Variants in FAM216A observed in about 807,000 individuals in gnomAD.
FAM216A encodes family with sequence similarity 216 member A, also known as protein FAM216A.
FAM216A carries 26 observed loss-of-function variants against 37.6 expected under a neutral mutation model. That is an observed-to-expected ratio of 0.69 (90% CI 0.51 to 0.96). FAM216A has a LOEUF of 0.96. FAM216A is among the 40% of genes least tolerant of loss of function. The probability of loss-of-function intolerance (pLI) is 0.00; values close to 1 mark genes in which losing one functional copy is unlikely to be tolerated. For synonymous variants in FAM216A, 110 were observed against 121.7 expected, an observed-to-expected ratio of 0.90 and a Z score of 0.64; for missense variants, 326 against 339.3, an observed-to-expected ratio of 0.96 and a Z score of 0.31.
At position 110,485,159 on chromosome 12, in the gene FAM216A, T is replaced by C. The variant is rs142328790; in HGVS notation, c.266T>C (p.Ile89Thr). The C allele has an allele frequency of 1.2e-6, 2 of 1,612,730 alleles. No homozygotes were observed. The highest frequency in any genetic ancestry group is 1.7e-6 in the Non-Finnish European group (2 of 1,179,748). Residue 89 changes from isoleucine (I) to threonine (T), a missense_variant, in exon 3 of 7, where the codon ATC (isoleucine) becomes ACC (threonine). Physicochemically the swap from Ile to Thr is moderately conservative, Grantham distance 89. Transcript: ENST00000377673. ...TGGAAAACTCCCCAAAATCAAACAATCCACCTCTCTAAATCAATGATGGAG... is the reference window on the plus strand; with the variant it reads ...TGGAAAACTCCCCAAAATCAAACAACCCACCTCTCTAAATCAATGATGGAG... ...ELWKTPQNQT[I>T]HLSKSMMEAS...
chr12:110,487,614 A>C (rs2062784426), intron 5 of FAM216A: 2 of 383,198 alleles, frequency 5.2e-6, no homozygotes, highest in Non-Finnish European at 4.7e-6. Context: ...GGAGAAGAAT[A>C]TGGTTGGTTA....
At chr12:110,472,103 G>T (rs1317299059) in intron 1 of FAM216A, among the ~76,000 whole-genome samples, 1 of 151,908 alleles carries the variant, frequency 6.6e-6, no homozygotes, top group Non-Finnish European at 1.5e-5. Context: ...GTGGTGGCGG[G>T]CACCTGTAAT....
At chr12:110,468,774 T>C, upstream of FAM216A, 2 of 1,471,490 alleles carry the variant, frequency 1.4e-6, no homozygotes, top group African/African-American at 2.8e-5. Flanking sequence ...CCCGAAGCTG[T>C]TCGGGCAGTG....
At chr12:110,468,566 C>A (rs1217722335), upstream of FAM216A, 1 of 1,537,272 alleles carries the variant, frequency 6.5e-7, no homozygotes, top group Non-Finnish European at 8.7e-7. Context: ...GTATGGTGAC[C>A]CTCGCGATTT....
chr12:110,481,493 T>A (rs571365681), intron 2 of FAM216A, among the ~76,000 whole-genome samples: 70 of 151,814 alleles, frequency 4.6e-4, no homozygotes, highest in African/African-American at 1.6e-3. Flanking sequence ...TACAGGGGTG[T>A]GACACCATGC....
chr12:110,470,169 G>A (rs1056944295), intron 1 of FAM216A, among the ~76,000 whole-genome samples: 1 of 150,966 alleles, frequency 6.6e-6, no homozygotes, highest in Non-Finnish European at 1.5e-5. Context: ...TGCCATCTCA[G>A]CTCACTGCAA....
At chr12:110,471,711 C>T (rs533249945) in intron 1 of FAM216A, among the ~76,000 whole-genome samples, 11 of 152,172 alleles carry the variant, frequency 7.2e-5, no homozygotes, top group African/African-American at 2.6e-4. Context: ...TACAAGAAAA[C>T]GATATGGTGG....
intron 1 of FAM216A, among the ~76,000 whole-genome samples, chr12:110,472,460 G>A (rs992108960): frequency 5.3e-5 from 8 of 151,894 alleles, no homozygotes; most frequent in Non-Finnish European, 1.2e-4. Flanking sequence ...CTGGCTACTT[G>A]GTGGCTGAGG....
At chr12:110,468,815 G>A, upstream of FAM216A, 4 of 1,459,598 alleles carry the variant, frequency 2.7e-6, no homozygotes, top group South Asian at 5.4e-5. Flanking sequence ...CGAGAAGCCA[G>A]CATCCGAGCC....
rs1274432329 is a variant in FAM216A at position 110,485,190 on chromosome 12, C to G, written c.297C>G (p.Ser99=). Residue 99 remains serine, a synonymous_variant, in exon 3 of 7, where the codon TCC becomes TCG. Transcript: ENST00000377673. ...TCTCTAAATCAATGATGGAGGCGTC[C>G]TTTTTCAAGGTATGCTAACAGGGAC... ...IHLSKSMMEA[S]FFKHPDLTTG... 2.5e-6 allele frequency: 4 copies of G among 1,607,324 alleles called. No homozygotes were observed. The South Asian group carries it at 4.5e-5, about 18-fold the overall frequency.
In FAM216A at chr12:110,487,897, GT is replaced by G; in HGVS notation, c.658del (p.Ser220HisfsTer2). ...TGYASKTRCK[S>X]LKIFRRPRKL... ...GATATGCATCTAAAACAAGATGTAA[GT>G]CACTGAAGATTTTTAGAAGACCAAG... On this transcript the variant is annotated frameshift_variant, in exon 6 of 7. Coordinates refer to ENST00000377673, the MANE Select transcript of FAM216A (RefSeq NM_013300.3). LOFTEE classifies it high-confidence loss of function. 6.2e-7 allele frequency: 1 copy of G among 1,607,522 alleles called. No homozygotes were observed. The highest frequency in any genetic ancestry group is 8.5e-7 in the Non-Finnish European group (1 of 1,175,744).
chr12:110,479,460 C>G (rs1036841765), intron 2 of FAM216A, among the ~76,000 whole-genome samples: 1 of 151,402 alleles, frequency 6.6e-6, no homozygotes, highest in South Asian at 2.1e-4. Context: ...TGCTTATTAA[C>G]TACAATATAT....
At chr12:110,478,812 A>T (rs758071473) in intron 2 of FAM216A, among the ~76,000 whole-genome samples, 26 of 152,184 alleles carry the variant, frequency 1.7e-4, no homozygotes, top group Non-Finnish European at 3.4e-4. Context: ...ATGAGTCAAT[A>T]CGTGAGTGTT....
At chr12:110,473,051 TA>T (rs1422404035) in intron 1 of FAM216A, 26 bp from the exon 2 acceptor site, 8 of 1,317,810 alleles carry the variant, frequency 6.1e-6, no homozygotes, top group Non-Finnish European at 8.5e-6. Context: ...TATTACATAT[TA>T]TTTATATGCT....
intron 6 of FAM216A, among the ~76,000 whole-genome samples, chr12:110,489,540 T>TATG (rs897333090): frequency 6.6e-6 from 1 of 151,460 alleles, no homozygotes; most frequent in African/African-American, 2.4e-5. Context: ...CCCATCACTG[T>TATG]ATGACAGTGT....
chr12:110,480,900 CAAAAT>C lies in FAM216A; in HGVS notation c.185-4173_185-4169del, dbSNP rs556501964. ...TTGTCTCTAAAAGAAAATTTAAAAACAAAATAAAAAACCACTAATTCCCTATATAC... is the reference window on the plus strand; with the variant it reads ...TTGTCTCTAAAAGAAAATTTAAAAACAAAAAACCACTAATTCCCTATATAC... On this transcript the variant is annotated intron_variant, in intron 2 of 6. Coordinates refer to ENST00000377673, the MANE Select transcript of FAM216A (RefSeq NM_013300.3). Among the ~76,000 whole-genome samples, 1,042 of 152,076 alleles carry C rather than the reference CAAAAT, an allele frequency of 6.9e-3. 1 individual carries two copies. The highest frequency in any genetic ancestry group is 9.3e-3 in the Non-Finnish European group (635 of 67,946).
rs201503870 is a variant in FAM216A, at chr12:110,486,456, C to T, written c.436+2C>T. ...TTCAGCACAGCTCACAAAAGCCAGG[C>T]AGGTGCACCTCCAGTTGTCTTTTCA... On this transcript the variant is annotated splice_donor_variant, in intron 4 of 6. Transcript: ENST00000377673. LOFTEE classifies it low-confidence loss of function (GC_TO_GT_DONOR). 1.4e-4 allele frequency: 233 copies of T among 1,610,076 alleles called. No individual in the cohort carries two copies. The highest frequency in any genetic ancestry group is 2.0e-4 in the South Asian group (18 of 90,914).
chr12:110,482,876 T>C (rs2062755573), intron 2 of FAM216A, among the ~76,000 whole-genome samples: 1 of 151,530 alleles, frequency 6.6e-6, no homozygotes, highest in Admixed American at 6.6e-5. Context: ...TCAAAATCGT[T>C]AGGTTGAGTG....
At position 110,490,176 on chromosome 12, in the gene FAM216A, G is replaced by A. The variant is rs1214515894; in HGVS notation, c.*39G>A. The A allele has an allele frequency of 1.0e-6, 1 of 973,384 alleles. No individual in the cohort carries two copies. Among genetic ancestry groups the A allele is most frequent in the Non-Finnish European group, 1.7e-6 (1 of 596,092 alleles). 60.3% of individuals were successfully genotyped at this position (973,384 alleles called of 1,614,324 possible). A position where few individuals can be genotyped will look rare whatever the true frequency, so the allele number is the denominator to read the frequency against. On this transcript the variant is annotated 3_prime_UTR_variant, in exon 7 of 7. Coordinates refer to ENST00000377673, the MANE Select transcript of FAM216A (RefSeq NM_013300.3). ...TGTATTGAATTCGTGCCAAAGGTGA[G>A]GGTAAGGGGTTGTGAGTTGTGTCCT...
Sources: allele counts gnomAD v4.1 joint callset (sites outside exome capture counted in the v4.1 genomes callset), GRCh38; gene constraint gnomAD v4.1.1; transcripts MANE v1.5; gene names NCBI Gene and HGNC (gene_info 2026-07-23, HGNC 2026-07-21).